The following PLEKHA7 variants were observed in gnomAD, a reference collection of about 807,000 sequenced individuals.
PLEKHA7 encodes pleckstrin homology domain containing A7, also known as pleckstrin homology domain-containing family A member 7.
In PLEKHA7, 104 loss-of-function variants were observed where a neutral mutation model predicts 170.0. That is an observed-to-expected ratio of 0.61 (90% CI 0.52 to 0.72). PLEKHA7 has a LOEUF of 0.72. Among genes scored for constraint, PLEKHA7 ranks in the 30% least tolerant of loss-of-function variants. PLEKHA7 has a pLI of 0.00. For synonymous variants in PLEKHA7, 648 were observed against 660.8 expected (o/e 0.98, Z 0.30); for missense variants, 1,615 against 1,671.7 (o/e 0.97, Z 0.59).
At chr11:16,804,532 G>A (rs978687722) in intron 13 of PLEKHA7, among the ~76,000 whole-genome samples, 2 of 152,152 alleles carry the variant, frequency 1.3e-5, no homozygotes, top group Non-Finnish European at 2.9e-5. Flanking sequence ...TCAAGGGAGA[G>A]GACCTCTCCC....
At chr11:16,952,345 C>T (rs1861455972) in intron 3 of PLEKHA7, among the ~76,000 whole-genome samples, 1 of 152,082 alleles carries the variant, frequency 6.6e-6, no homozygotes, top group Non-Finnish European at 1.5e-5. Context: ...CGGCAAAACT[C>T]AAGCAGCCAT....
chr11:16,861,119 T>A (rs1487939350), intron 4 of PLEKHA7, among the ~76,000 whole-genome samples: 1 of 152,152 alleles, frequency 6.6e-6, no homozygotes, highest in Non-Finnish European at 1.5e-5. Flanking sequence ...ACAACAGTCA[T>A]CTCCTACAAA....
chr11:16,951,354 CGATGAT>C (rs546242016), intron 3 of PLEKHA7, among the ~76,000 whole-genome samples: 35 of 150,780 alleles, frequency 2.3e-4, no homozygotes, highest in Non-Finnish European at 4.3e-4. Flanking sequence ...GACATCATGA[CGATGAT>C]GATGATGATG....
chr11:16,956,631 A>C (rs1861718416), intron 3 of PLEKHA7, among the ~76,000 whole-genome samples: 1 of 152,220 alleles, frequency 6.6e-6, no homozygotes, highest in South Asian at 2.1e-4. Context: ...TACCTAATCC[A>C]GGTCTGTGAC....
At chr11:16,967,524 C>A (rs1011207694) in intron 3 of PLEKHA7, among the ~76,000 whole-genome samples, 1 of 152,240 alleles carries the variant, frequency 6.6e-6, no homozygotes, top group Non-Finnish European at 1.5e-5. Context: ...CTGCTTAATG[C>A]CATGAGGCCC....
chr11:16,778,602 C>A lies in PLEKHA7; in HGVS notation c.*396G>T, dbSNP rs1185650003. 1 of 261,942 alleles carries A rather than the reference C, an allele frequency of 3.8e-6. No individual in the cohort carries two copies. Among genetic ancestry groups the A allele is most frequent in the Non-Finnish European group, 7.6e-6 (1 of 130,990 alleles). The allele number at this position is 261,942 out of a possible 1,614,324, so 16.2% of individuals were successfully genotyped here. A position where few individuals can be genotyped will look rare whatever the true frequency, so the allele number is the denominator to read the frequency against. On this transcript the variant is annotated 3_prime_UTR_variant, in exon 27 of 27. Transcript: ENST00000531066. The stretch of plus-strand genomic sequence containing the variant: ...AGGTCATTGGAAGTTGGACTAGCCT[C>A]GGCTTGCCCCGCCCTTCCTGCCCCC...
At chr11:16,830,609 C>T (rs141741994) in intron 9 of PLEKHA7, among the ~76,000 whole-genome samples, 29 of 152,350 alleles carry the variant, frequency 1.9e-4, no homozygotes, top group Admixed American at 4.6e-4. Context: ...GATTCTTCAA[C>T]TCTGGGACCC....
chr11:16,856,853 C>T (rs373280091), intron 4 of PLEKHA7, among the ~76,000 whole-genome samples: 11 of 152,174 alleles, frequency 7.2e-5, no homozygotes, highest in East Asian at 1.9e-4. Context: ...AGTCTCCACG[C>T]TCTGTCCAAT....
intron 9 of PLEKHA7, among the ~76,000 whole-genome samples, chr11:16,836,796 C>CTT (rs376257161): frequency 3.7e-5 from 5 of 134,186 alleles, no homozygotes; most frequent in Non-Finnish European, 8.0e-5. Context: ...GTTTCCTGGG[C>CTT]TTTTTTTTTT....
chr11:16,781,028 G>A (rs1848984369), intron 26 of PLEKHA7: 1 of 986,230 alleles, frequency 1.0e-6, no homozygotes, highest in Middle Eastern at 5.2e-4. Context: ...GGGGCCTTTA[G>A]GCGGGAGGAG....
At chr11:16,948,272 A>G (rs1590694557) in intron 3 of PLEKHA7, among the ~76,000 whole-genome samples, 1 of 152,360 alleles carries the variant, frequency 6.6e-6, no homozygotes, top group South Asian at 2.1e-4. Context: ...TGGTGAGTAC[A>G]GTAAATAACA....
At chr11:17,005,117 A>T (rs1184997319) in intron 3 of PLEKHA7, among the ~76,000 whole-genome samples, 3 of 87,546 alleles carry the variant, frequency 3.4e-5, no homozygotes, top group Non-Finnish European at 7.6e-5. Context: ...CCTCAGACTT[A>T]ACGGGGGGGG....
In PLEKHA7 at chr11:16,817,447, T is replaced by A; in HGVS notation, c.1344-125A>T. Reference sequence around the variant, plus strand: ...CAGTCCTGTAAGAACCTCAAAAGAATGATCAAGGCCGACATCCAGGACTTC... The same window carrying A: ...CAGTCCTGTAAGAACCTCAAAAGAAAGATCAAGGCCGACATCCAGGACTTC... On this transcript the variant is annotated intron_variant, in intron 10 of 26. Transcript: ENST00000531066. The surrounding 1 kb of genome is among the most constrained non-coding windows in gnomAD (Gnocchi z 4.4). The A allele has an allele frequency of 1.0e-6, 1 of 960,356 alleles. No individual in the cohort carries two copies. Among genetic ancestry groups the A allele is most frequent in the Non-Finnish European group, 1.5e-6 (1 of 678,774 alleles). The allele number at this position is 960,356 out of a possible 1,614,324, so 59.5% of individuals were successfully genotyped here.
chr11:16,889,420 A>AAAAAAAAAAAAATAT (rs61086849), intron 3 of PLEKHA7, among the ~76,000 whole-genome samples: 17 of 74,664 alleles, frequency 2.3e-4, no homozygotes, highest in Non-Finnish European at 3.3e-4. Flanking sequence ...AAAAAAAAAA[A>AAAAAAAAAAAAATAT]ATATATATAT....
At chr11:16,996,897 C>T (rs1383824895) in intron 3 of PLEKHA7, among the ~76,000 whole-genome samples, 1 of 151,928 alleles carries the variant, frequency 6.6e-6, no homozygotes, top group Non-Finnish European at 1.5e-5. Flanking sequence ...GATCGTGCCA[C>T]TGCACTCCAG....
intron 24 of PLEKHA7, 141 bp from the exon 25 acceptor site, chr11:16,783,974 TAGTC>T: frequency 1.1e-6 from 1 of 947,954 alleles, no homozygotes; most frequent in Non-Finnish European, 1.4e-6. Context: ...ATCACAAAAT[TAGTC>T]AGTTGTGGAA....
chr11:16,820,013 T>C (rs1850085303), intron 10 of PLEKHA7, among the ~76,000 whole-genome samples: 1 of 152,260 alleles, frequency 6.6e-6, no homozygotes, highest in Non-Finnish European at 1.5e-5. Context: ...AATCATTTCA[T>C]AATGTATACA....
chr11:16,815,479 T>C (rs1237306312), intron 12 of PLEKHA7, among the ~76,000 whole-genome samples: 1 of 152,240 alleles, frequency 6.6e-6, no homozygotes, highest in Non-Finnish European at 1.5e-5. Flanking sequence ...AGGAAGTTTT[T>C]TTCAGGAAAG....
intron 3 of PLEKHA7, among the ~76,000 whole-genome samples, chr11:16,923,808 T>C (rs530648755): frequency 3.3e-5 from 5 of 152,262 alleles, no homozygotes; most frequent in African/African-American, 4.8e-5. Context: ...CTCCCCAGAA[T>C]GTCAACTTCC....
Sources: gnomAD v4.1 joint callset for allele counts (sites outside exome capture counted in the v4.1 genomes callset) on GRCh38, gnomAD v4.1.1 for gene constraint, Gnocchi (gnomAD v3.1) non-coding constraint, MANE v1.5 for transcripts, NCBI Gene and HGNC (gene_info 2026-07-23, HGNC 2026-07-21) for gene names.